The following CHD4 variants were observed in gnomAD, a reference collection of about 807,000 sequenced individuals.
CHD4 encodes the protein chromodomain helicase DNA binding protein 4.
Under a neutral mutation model 235.5 loss-of-function variants are expected in CHD4, and 35 were observed. The ratio of observed to expected loss-of-function variants is 0.15; its 90% CI spans 0.11 to 0.20. The LOEUF (loss-of-function observed/expected upper bound fraction) is 0.20, where lower values mean the gene tolerates loss of function less well. CHD4 is among the 10% of genes least tolerant of loss of function. The probability of loss-of-function intolerance (pLI) is 1.00; values close to 1 mark genes in which losing one functional copy is unlikely to be tolerated. For synonymous variants in CHD4, 900 were observed against 850.2 expected (o/e 1.06, Z -1.02); for missense variants, 1,329 against 2,432.3 (o/e 0.55, Z 9.54).
At position 6,596,486 on chromosome 12, in the gene CHD4, T is replaced by TA. The variant is rs765949049; in HGVS notation, c.1893-350dup. Among the ~76,000 whole-genome samples the TA allele has an allele frequency of 9.2e-3, 1,003 of 109,276 alleles. 6 individuals are homozygous for TA. Among genetic ancestry groups the TA allele is most frequent in the African/African-American group, 0.022 (618 of 28,670 alleles). The allele number at this position is 109,276 out of a possible 152,430, so 71.7% of individuals were successfully genotyped here. The stretch of plus-strand genomic sequence containing the variant: ...CCAACATGGCGAAACCCGTCTCTAC[T>TA]AAAAAAAAAAAAAAAAATTAGCCAG... On this transcript the variant is annotated intron_variant, in intron 12 of 39. Transcript: ENST00000544040.
rs544032396 is a variant in CHD4 at position 6,581,462 on chromosome 12, G to C, written c.4682-74C>G. ...AGAGAAGGTCATTTCTTCCCAGTTT[G>C]TCTCATCTTAAATTGTCCTCTCGTG... On this transcript the variant is annotated intron_variant, in intron 31 of 39. Coordinates refer to ENST00000544040, the MANE Select transcript of CHD4 (RefSeq NM_001273.5). 4 of 1,550,268 alleles carry C rather than the reference G, an allele frequency of 2.6e-6. No homozygotes were observed. The South Asian group carries it at 3.3e-5, about 13-fold the overall frequency.
Position 6,588,403 on chromosome 12 carries a change from G to C in CHD4, c.3360C>G (p.Phe1120Leu), listed in dbSNP as rs1948336630. 6.2e-7 allele frequency: 1 copy of C among 1,614,006 alleles called. No individual in the cohort carries two copies. Among genetic ancestry groups the C allele is most frequent in the African/African-American group, 1.3e-5 (1 of 74,922 alleles). Reference protein sequence around the residue: ...DRFNAPGAQQFCFLLSTRAGG... With the variant: ...DRFNAPGAQQLCFLLSTRAGG... Reference sequence around the variant, plus strand: ...CAGCTCGAGTGGAAAGCAAGAAGCAGAACTGCTGAGCACCCGGTGCTAATA... The same window carrying C: ...CAGCTCGAGTGGAAAGCAAGAAGCACAACTGCTGAGCACCCGGTGCTAATA... Residue 1120 changes from phenylalanine (F) to leucine (L), a missense_variant, in exon 23 of 40, where the codon TTC becomes TTG. This residue lies in a region of CHD4 where 13 missense variants were observed against 141.9 expected (regional missense o/e 0.09). Coordinates refer to ENST00000544040, the MANE Select transcript of CHD4 (RefSeq NM_001273.5).
intron 2 of CHD4, 103 bp from the exon 3 acceptor site, chr12:6,602,600 A>G: frequency 2.1e-5 from 30 of 1,431,914 alleles, no homozygotes; most frequent in South Asian, 1.6e-4. Context: ...CTCTTGTCCC[A>G]GATTCCTCTG....
intron 25 of CHD4, among the ~76,000 whole-genome samples, chr12:6,585,603 C>CAT (rs1384891442): frequency 3.3e-5 from 5 of 149,956 alleles, no homozygotes; most frequent in Non-Finnish European, 7.4e-5. Context: ...TTTAAAAAAA[C>CAT]ATGGTGAAAC....
intron 25 of CHD4, among the ~76,000 whole-genome samples, chr12:6,585,919 G>A (rs1356360722): frequency 6.6e-6 from 1 of 151,656 alleles, no homozygotes; most frequent in Non-Finnish European, 1.5e-5. Context: ...CCAACATGGT[G>A]AAACCCCGTT....
At chr12:6,591,444 T>C (rs754233554) in intron 22 of CHD4, 22 bp downstream of exon 22, 11 of 1,591,722 alleles carry the variant, frequency 6.9e-6, no homozygotes, top group Non-Finnish European at 9.5e-6. Context: ...TTCCTGAAAC[T>C]AAACAACTCC....
At chr12:6,598,474 G>T (rs776781403) in intron 10 of CHD4, 49 bp from the exon 11 acceptor site, 3 of 1,442,670 alleles carry the variant, frequency 2.1e-6, no homozygotes, top group Non-Finnish European at 2.8e-6. Context: ...CATGGGAGGA[G>T]AAGGGACAGC....
Position 6,601,323 on chromosome 12 carries a change from C to A in CHD4, c.765G>T (p.Val255=), listed in dbSNP as rs772981042. 2.0e-5 allele frequency: 33 copies of A among 1,614,016 alleles called. No individual in the cohort carries two copies. In the South Asian group the frequency reaches 3.1e-4, roughly 15 times the overall value. ...CCTTGGTCTTGGCCTTGCGGATAGG[C>A]ACCTCCACAGGGGGAGGTGGTGGTG... is the stretch of plus-strand genomic sequence containing the variant. ...EVAPPPPPVE[V]PIRKAKTKEG... is the part of the protein sequence containing the mutation. The change falls in exon 6 of 40, where the codon GTG becomes GTT. Residue 255 remains valine, a synonymous_variant. Coordinates refer to ENST00000544040, the MANE Select transcript of CHD4 (RefSeq NM_001273.5).
chr12:6,582,396 A>C, intron 29 of CHD4, 115 bp from the exon 30 acceptor site: 1 of 1,351,286 alleles, frequency 7.4e-7, no homozygotes, highest in Non-Finnish European at 1.0e-6. Flanking sequence ...CCTTGAGGTA[A>C]AGCCCACCAC....
At chr12:6,597,476 T>C (rs911402721) in intron 12 of CHD4, among the ~76,000 whole-genome samples, 2 of 148,644 alleles carry the variant, frequency 1.3e-5, no homozygotes, top group African/African-American at 2.5e-5. Flanking sequence ...AAAATAAATA[T>C]ATAAGGCTGA....
chr12:6,593,424 G>A lies in CHD4; in HGVS notation c.2506C>T (p.Arg836Cys), dbSNP rs933562750. 3 of 1,614,014 alleles carry A rather than the reference G, an allele frequency of 1.9e-6. No homozygotes were observed. Among genetic ancestry groups the A allele is most frequent in the Non-Finnish European group, 2.5e-6 (3 of 1,179,934 alleles). ...NAIRGGKKAS[R>C]MKKEASVKFH... ...TCCCTCCCCTGAGATACCTTCATGC[G>A]GGAGGCCTTCTTGCCACCACGAATG... The change falls in exon 16 of 40, where the codon CGC (arginine) becomes TGC (cysteine). Residue 836 changes from arginine (R) to cysteine (C), a missense_variant. Coordinates refer to ENST00000544040, the MANE Select transcript of CHD4 (RefSeq NM_001273.5). This position sits in a 1 kb window ranked among gnomAD's most constrained non-coding sequence, Gnocchi z 4.9.
Position 6,597,979 on chromosome 12 carries a change from G to A in CHD4, c.1807C>T (p.Pro603Ser), listed in dbSNP as rs1302527751. The change falls in exon 12 of 40, where the codon CCT (proline) becomes TCT (serine). Residue 603 changes from proline to serine, a missense_variant. Pro to Ser is a moderately conservative substitution (Grantham distance 74). This residue lies in a region of CHD4 where 121 missense variants were observed against 177.8 expected (regional missense o/e 0.68). Coordinates refer to ENST00000544040, the MANE Select transcript of CHD4 (RefSeq NM_001273.5). The part of the protein sequence containing the change: ...EKSRKRKNKD[P>S]KFAEMEERFY... ...CGTTCCTCCATCTCTGCAAATTTAGGGTCCTTGTTCTTTCGCTTTCGGCTT... is the reference window on the plus strand; with the variant it reads ...CGTTCCTCCATCTCTGCAAATTTAGAGTCCTTGTTCTTTCGCTTTCGGCTT... 4 of 1,614,020 alleles carry A rather than the reference G, an allele frequency of 2.5e-6. No homozygotes were observed. The African/African-American group carries it at 5.3e-5, about 22-fold the overall frequency.
chr12:6,595,275 C>A, intron 14 of CHD4, 59 bp downstream of exon 14: 1 of 1,378,522 alleles, frequency 7.3e-7, no homozygotes, highest in Non-Finnish European at 1.0e-6. Flanking sequence ...CATCATTAGA[C>A]TGCAGCAAAG....
chr12:6,588,708 G>A (rs1416576373), intron 22 of CHD4, among the ~76,000 whole-genome samples: 1 of 151,750 alleles, frequency 6.6e-6, no homozygotes, highest in Non-Finnish European at 1.5e-5. Context: ...AACCTGGTAG[G>A]CAGAGGTTGC....
intron 24 of CHD4, 74 bp from the exon 25 acceptor site, chr12:6,587,633 A>T (rs1186218587): frequency 6.2e-7 from 1 of 1,605,812 alleles, no homozygotes. Context: ...GTCCCACAAG[A>T]CCCTTGGTAT....
At chr12:6,578,823 A>C in intron 34 of CHD4, 23 bp downstream of exon 34, 2 of 1,612,350 alleles carry the variant, frequency 1.2e-6, no homozygotes, top group Non-Finnish European at 1.7e-6. Flanking sequence ...TCTGAACCAC[A>C]ATCAACTTCT....
In CHD4 at chr12:6,582,620, C is replaced by T; in HGVS notation, c.4365G>A (p.Glu1455=). 6.2e-7 allele frequency: 1 copy of T among 1,611,072 alleles called. No individual in the cohort carries two copies. ...VRDLRGKSEK[E]FKAYVSLFMR... ...CACTCCAGCCCTCAACTCACTTGAA[C>T]TCTTTCTCTGATTTGCCTCGCAGGT... The change falls in exon 29 of 40, where the codon GAG becomes GAA. Residue 1455 remains glutamate (E), a synonymous_variant. Transcript: ENST00000544040.
chr12:6,581,497 G>A, intron 31 of CHD4, 109 bp from the exon 32 acceptor site: 1 of 1,507,510 alleles, frequency 6.6e-7, no homozygotes, highest in African/African-American at 1.4e-5. Flanking sequence ...GCCTTTAAGA[G>A]CCAGCCCTAT....
At chr12:6,595,915 G>T in intron 13 of CHD4, 91 bp downstream of exon 13, 1 of 1,391,932 alleles carries the variant, frequency 7.2e-7, no homozygotes, top group Non-Finnish European at 9.6e-7. Flanking sequence ...TCAAGATCAC[G>T]CCACTGCACT....
Sources: allele counts gnomAD v4.1 joint callset (sites outside exome capture counted in the v4.1 genomes callset), GRCh38; gene constraint gnomAD v4.1.1; regional missense constraint gnomAD v4.1.1; non-coding constraint Gnocchi (gnomAD v3.1); transcripts MANE v1.5; gene names NCBI Gene and HGNC (gene_info 2026-07-23, HGNC 2026-07-21).